TRPM7: variants seen among roughly 807,000 people sequenced by gnomAD.
TRPM7 encodes the protein transient receptor potential cation channel subfamily M member 7, also known as LTRPC ion channel family member 7.
Under a neutral mutation model 229.7 loss-of-function variants are expected in TRPM7, and 134 were observed. The ratio of observed to expected loss-of-function variants is 0.58; its 90% CI spans 0.51 to 0.67. The LOEUF (loss-of-function observed/expected upper bound fraction) is 0.67. Ranked by LOEUF, TRPM7 falls within the 30% of genes least tolerant of loss-of-function variation. TRPM7 has a pLI of 0.00. For synonymous variants in TRPM7, 699 were observed against 715.2 expected (o/e 0.98, Z 0.36); for missense variants, 1,901 against 2,210.0 (o/e 0.86, Z 2.80).
chr15:50,622,528 T>A (rs1403256847), intron 12 of TRPM7, among the ~76,000 whole-genome samples: 1 of 152,244 alleles, frequency 6.6e-6, no homozygotes, highest in African/African-American at 2.4e-5. Context: ...AATTTTTACA[T>A]CTGTCCACTA....
chr15:50,598,766 G>A (rs2059697404), intron 22 of TRPM7, among the ~76,000 whole-genome samples: 1 of 152,128 alleles, frequency 6.6e-6, no homozygotes, highest in Non-Finnish European at 1.5e-5. Context: ...AGAATCATAA[G>A]GGAAACTTAT....
chr15:50,681,385 G>T (rs935228582), intron 1 of TRPM7, among the ~76,000 whole-genome samples: 4 of 152,090 alleles, frequency 2.6e-5, no homozygotes, highest in Non-Finnish European at 5.9e-5. Flanking sequence ...TCTTAGTCCA[G>T]AGTATCTTCC....
chr15:50,673,767 G>C (rs1480031787), intron 1 of TRPM7, among the ~76,000 whole-genome samples: 1 of 152,014 alleles, frequency 6.6e-6, no homozygotes, highest in Non-Finnish European at 1.5e-5. Flanking sequence ...TTCTTATAAT[G>C]ACTTATTTTC....
At chr15:50,571,650 A>G (rs2053892648) in intron 36 of TRPM7, among the ~76,000 whole-genome samples, 2 of 152,202 alleles carry the variant, frequency 1.3e-5, no homozygotes. Context: ...AAAAAGAGGG[A>G]AAAAAGTCTC....
chr15:50,657,922 T>C, intron 2 of TRPM7, 103 bp from the exon 3 acceptor site: 2 of 785,280 alleles, frequency 2.5e-6, no homozygotes, highest in South Asian at 3.8e-5. Context: ...ATTATATACC[T>C]AGTTTAATTT....
intron 24 of TRPM7, 72 bp from the exon 25 acceptor site, chr15:50,593,821 GA>G (rs937555208): frequency 1.4e-6 from 2 of 1,451,924 alleles, no homozygotes; most frequent in Non-Finnish European, 1.9e-6. Context: ...TAATTCTTAC[GA>G]ATTATTCAGG....
chr15:50,594,051 G>C (rs1480325799), intron 24 of TRPM7, among the ~76,000 whole-genome samples: 1 of 151,988 alleles, frequency 6.6e-6, no homozygotes, highest in Non-Finnish European at 1.5e-5. Context: ...AGAAATTTAA[G>C]AACTAATTTG....
At chr15:50,631,538 A>T (rs775098187) in intron 9 of TRPM7, 49 bp from the exon 10 acceptor site, 1 of 1,307,346 alleles carries the variant, frequency 7.6e-7, no homozygotes, top group East Asian at 2.4e-5. Flanking sequence ...TTTTAAAACA[A>T]AGGCATCATA....
In TRPM7 at chr15:50,558,867, T is replaced by A. The variant is rs917444573; in HGVS notation, c.*2811A>T. On this transcript the variant is annotated 3_prime_UTR_variant, in exon 39 of 39. Coordinates refer to ENST00000646667, the MANE Select transcript of TRPM7 (RefSeq NM_017672.6). ...ATGATCACGCTACTACACTCCAGCCTGGGCAACAGAGCAAGAGGTTGTCTT... is the reference window on the plus strand; with the variant it reads ...ATGATCACGCTACTACACTCCAGCCAGGGCAACAGAGCAAGAGGTTGTCTT... The A allele has an allele frequency of 3.3e-5, 5 of 151,090 alleles. No individual in the cohort carries two copies. The highest frequency in any genetic ancestry group is 1.2e-4 in the African/African-American group (5 of 41,184). The allele number at this position is 151,090 out of a possible 1,614,324, so 9.4% of individuals were successfully genotyped here.
chr15:50,604,993 T>A lies in TRPM7; in HGVS notation c.2861A>T (p.Asp954Val), dbSNP rs1006336228. ...TCTTCCAGCCACAAAAACATGATTATCATATGCATTTGCAAAGTTCCATTT... is the reference window on the plus strand; with the variant it reads ...TCTTCCAGCCACAAAAACATGATTAACATATGCATTTGCAAAGTTCCATTT... ...GAKWNFANAY[D>V]NHVFVAGRLI... Residue 954 changes from aspartate (D) to valine (V), a missense_variant, in exon 21 of 39, where the codon GAT becomes GTT. By Grantham distance (152) the Asp-to-Val change is radical (BLOSUM62 -3). Transcript: ENST00000646667. 2 of 1,613,970 alleles carry A rather than the reference T, an allele frequency of 1.2e-6. No individual in the cohort carries two copies.
In TRPM7 at chr15:50,631,103, A is replaced by G. The variant is rs186947403; in HGVS notation, c.1204+314T>C. ...TTGGCTCCCAAAGTGTTGGGATTAC[A>G]GGTGTGAGCCACCATGCCTGGCCCA... On this transcript the variant is annotated intron_variant, in intron 10 of 38. Transcript: ENST00000646667. Among the ~76,000 whole-genome samples the G allele has an allele frequency of 7.9e-5, 12 of 152,306 alleles. No homozygotes were observed. The East Asian group carries it at 2.3e-3, about 29-fold the overall frequency.
intron 28 of TRPM7, among the ~76,000 whole-genome samples, chr15:50,584,372 A>G (rs2054581716): frequency 1.3e-5 from 2 of 152,216 alleles, no homozygotes; most frequent in Non-Finnish European, 2.9e-5. Flanking sequence ...CAGAGAACCT[A>G]GAGTGTTGAT....
intron 33 of TRPM7, 54 bp downstream of exon 33, chr15:50,575,670 A>T: frequency 6.8e-7 from 1 of 1,478,012 alleles, no homozygotes; most frequent in South Asian, 1.2e-5. Context: ...TTATAGCTAA[A>T]AATCATTAAA....
chr15:50,674,671 C>A (rs549918354), intron 1 of TRPM7, among the ~76,000 whole-genome samples: 23 of 152,182 alleles, frequency 1.5e-4, no homozygotes, highest in Admixed American at 1.2e-3. Flanking sequence ...TAATTAGCAA[C>A]CTTGTCTTTC....
At chr15:50,672,366 A>T (rs2062008861) in intron 1 of TRPM7, among the ~76,000 whole-genome samples, 1 of 145,408 alleles carries the variant, frequency 6.9e-6, no homozygotes, top group African/African-American at 2.5e-5. Context: ...ACTCCTACCT[A>T]TTTTTTTTTT....
intron 25 of TRPM7, 81 bp from the exon 26 acceptor site, chr15:50,592,707 T>C: frequency 9.9e-7 from 1 of 1,012,278 alleles, no homozygotes; most frequent in Admixed American, 2.6e-5. Flanking sequence ...ATAATAATGA[T>C]AAAAAGAGAA....
chr15:50,662,340 A>AG (rs2061746437), intron 2 of TRPM7, among the ~76,000 whole-genome samples: 1 of 151,574 alleles, frequency 6.6e-6, no homozygotes, highest in African/African-American at 2.4e-5. Context: ...AAAAAAAAAA[A>AG]GGTAAAAAGA....
At chr15:50,675,324 CAA>C (rs1043850527) in intron 1 of TRPM7, among the ~76,000 whole-genome samples, 1 of 150,290 alleles carries the variant, frequency 6.7e-6, no homozygotes, top group Non-Finnish European at 1.5e-5. Context: ...ACCCAGGCGA[CAA>C]GAGCAAAATT....
chr15:50,628,384 T>C (rs1430249987), intron 10 of TRPM7, 135 bp from the exon 11 acceptor site: 4 of 594,548 alleles, frequency 6.7e-6, no homozygotes, highest in Middle Eastern at 4.6e-4. Flanking sequence ...CATGGCTCAC[T>C]GCAGCCTTGA....
Sources: allele counts gnomAD v4.1 joint callset (sites outside exome capture counted in the v4.1 genomes callset), GRCh38; gene constraint gnomAD v4.1.1; transcripts MANE v1.5; gene names NCBI Gene and HGNC (gene_info 2026-07-23, HGNC 2026-07-21).